The following SH3TC2 variants were observed in gnomAD, a reference collection of about 807,000 sequenced individuals.
SH3TC2 encodes the protein SH3 domain and tetratricopeptide repeat-containing protein 2.
SH3TC2 carries 87 observed loss-of-function variants against 124.5 expected under a neutral mutation model. The observed-to-expected ratio is 0.70, with a 90% CI of 0.59 to 0.84. The LOEUF (loss-of-function observed/expected upper bound fraction) is 0.84, where lower values mean the gene tolerates loss of function less well. Ranked by LOEUF, SH3TC2 falls within the 40% of genes least tolerant of loss-of-function variation. The pLI, the probability that SH3TC2 is intolerant of heterozygous loss-of-function variation, is 0.00. For synonymous variants in SH3TC2, 634 were observed against 628.5 expected, an observed-to-expected ratio of 1.01 and a Z score of -0.13; for missense variants, 1,536 against 1,566.4, an observed-to-expected ratio of 0.98 and a Z score of 0.33.
intron 2 of SH3TC2, among the ~76,000 whole-genome samples, chr5:149,048,908 G>A (rs146860051): frequency 1.3e-5 from 2 of 152,318 alleles, no homozygotes; most frequent in African/African-American, 4.8e-5. Context: ...ACAGTAAGTA[G>A]CAATCCTGTT....
rs190400452 is a variant in SH3TC2, at chr5:149,021,788, C to A, written c.3053+4784G>T. On this transcript the variant is annotated intron_variant, in intron 12 of 16. Transcript: ENST00000515425. ...AATTTTCAAAAACAAAACAAAAAAA[C>A]TCCTTACAAAGGTAAGTCAAGATTT... 2.9e-3 allele frequency among the ~76,000 whole-genome samples: 435 copies of A among 149,500 alleles called. 2 individuals are homozygous for A. The highest frequency in any genetic ancestry group is 0.01 in the African/African-American group (416 of 41,052).
chr5:149,049,917 G>C (rs1754528284), intron 2 of SH3TC2, among the ~76,000 whole-genome samples: 1 of 152,118 alleles, frequency 6.6e-6, no homozygotes, highest in Non-Finnish European at 1.5e-5. Flanking sequence ...CTACCAGCAA[G>C]TACTGCTCAT....
At chr5:149,056,706 A>G (rs1360594956) in intron 1 of SH3TC2, among the ~76,000 whole-genome samples, 1 of 152,200 alleles carries the variant, frequency 6.6e-6, no homozygotes, top group Non-Finnish European at 1.5e-5. Context: ...GAGAAACAAT[A>G]AGGAAGCTGG....
chr5:148,990,928 C>T lies in SH3TC2; in HGVS notation c.*13783G>A, dbSNP rs1753410981. Among the ~76,000 whole-genome samples the T allele has an allele frequency of 6.6e-6, 1 of 152,134 alleles. No individual in the cohort carries two copies. Among genetic ancestry groups the T allele is most frequent in the Admixed American group, 6.6e-5 (1 of 15,266 alleles). On this transcript the variant is annotated 3_prime_UTR_variant, in exon 17 of 17. Transcript: ENST00000515425. ...CATTTGACAGGTGAGAAAACTGAGACCCAGAGAGGTTAAGTCATGTCTCCA... is the reference window on the plus strand; with the variant it reads ...CATTTGACAGGTGAGAAAACTGAGATCCAGAGAGGTTAAGTCATGTCTCCA...
At chr5:149,032,366 T>C (rs1754212101) in intron 8 of SH3TC2, among the ~76,000 whole-genome samples, 1 of 152,232 alleles carries the variant, frequency 6.6e-6, no homozygotes, top group Non-Finnish European at 1.5e-5. Context: ...CTGTTAAGCC[T>C]AATTTGCTTA....
chr5:149,028,766 C>T (rs1201276844), intron 9 of SH3TC2, 48 bp from the exon 10 acceptor site: 14 of 1,594,712 alleles, frequency 8.8e-6, no homozygotes, highest in South Asian at 3.3e-5. Context: ...GGATGGGCCA[C>T]CATGCCCATG....
Position 148,990,850 on chromosome 5 carries a change from A to ATTATCTCT in SH3TC2, c.*13853_*13860dup, listed in dbSNP as rs1389629952. On this transcript the variant is annotated 3_prime_UTR_variant, in exon 17 of 17. Coordinates refer to ENST00000515425, the MANE Select transcript of SH3TC2 (RefSeq NM_024577.4). ...GCCCTGAGTTAAGTATTCTAAGTAC[A>ATTATCTCT]TTATCTCTTTTAATTTTCACAGCAA... Among the ~76,000 whole-genome samples the ATTATCTCT allele has an allele frequency of 6.6e-6, 1 of 152,194 alleles. No individual in the cohort carries two copies. The highest frequency in any genetic ancestry group is 2.4e-5 in the African/African-American group (1 of 41,432).
Position 148,987,492 on chromosome 5 carries a change from A to G in SH3TC2, c.*17219T>C, listed in dbSNP as rs1360051590. On this transcript the variant is annotated 3_prime_UTR_variant, in exon 17 of 17. Coordinates refer to ENST00000515425, the MANE Select transcript of SH3TC2 (RefSeq NM_024577.4). ...AGATCAGGCTGAGCTTCCAGCTAAC[A>G]TTTCTATCCCACAGCAGACCTGCAT... 6.6e-6 allele frequency among the ~76,000 whole-genome samples: 1 copy of G among 152,244 alleles called. No homozygotes were observed. The highest frequency in any genetic ancestry group is 1.5e-5 in the Non-Finnish European group (1 of 68,044).
chr5:149,004,370 T>G lies in SH3TC2; in HGVS notation c.*341A>C, dbSNP rs868833114. 6 of 285,376 alleles carry G rather than the reference T, an allele frequency of 2.1e-5. No homozygotes were observed. Among genetic ancestry groups the G allele is most frequent in the African/African-American group, 2.2e-5 (1 of 46,388 alleles). 17.7% of individuals were successfully genotyped at this position (285,376 alleles called of 1,614,324 possible). On this transcript the variant is annotated 3_prime_UTR_variant, in exon 17 of 17. Transcript: ENST00000515425. ...ACCAGTGCAGTGACTGATTTCCTCATTGGGGGAGGAAGGAAGGCTCCTGGA... is the reference window on the plus strand; with the variant it reads ...ACCAGTGCAGTGACTGATTTCCTCAGTGGGGGAGGAAGGAAGGCTCCTGGA...
In SH3TC2 at chr5:148,997,968, A is replaced by G. The variant is rs1003706200; in HGVS notation, c.*6743T>C. Among the ~76,000 whole-genome samples, 32 of 152,370 alleles carry G rather than the reference A, an allele frequency of 2.1e-4. No homozygotes were observed. The highest frequency in any genetic ancestry group is 7.7e-4 in the African/African-American group (32 of 41,586). The stretch of plus-strand genomic sequence containing the variant: ...GGTCTCAAAAAGAAGTAAGATATCC[A>G]TCAAATAATACATAGAAAAGAACAA... On this transcript the variant is annotated 3_prime_UTR_variant, in exon 17 of 17. Coordinates refer to ENST00000515425, the MANE Select transcript of SH3TC2 (RefSeq NM_024577.4).
At chr5:149,029,766 T>G (rs1754151473) in intron 9 of SH3TC2, among the ~76,000 whole-genome samples, 1 of 152,096 alleles carries the variant, frequency 6.6e-6, no homozygotes, top group African/African-American at 2.4e-5. Context: ...CACCTTGGGT[T>G]TGGCAGTGAA....
chr5:149,033,082 T>C (rs1199292654), intron 8 of SH3TC2, among the ~76,000 whole-genome samples: 1 of 152,206 alleles, frequency 6.6e-6, no homozygotes, highest in Non-Finnish European at 1.5e-5. Flanking sequence ...TCCATGTTTG[T>C]AGATTAAGAA....
At chr5:149,052,108 G>C in intron 2 of SH3TC2, 34 bp downstream of exon 2, 1 of 1,420,250 alleles carries the variant, frequency 7.0e-7, no homozygotes, top group Non-Finnish European at 1.0e-6. Flanking sequence ...TACTCAACAT[G>C]GAAGAATAGG....
intron 6 of SH3TC2, among the ~76,000 whole-genome samples, chr5:149,041,171 G>A (rs1435954864): frequency 5.9e-5 from 9 of 152,172 alleles, no homozygotes; most frequent in Admixed American, 4.6e-4. Flanking sequence ...ATTGGCGGTC[G>A]TGTGGTATAT....
chr5:149,022,774 A>C (rs1332193251), intron 12 of SH3TC2, among the ~76,000 whole-genome samples: 1 of 152,232 alleles, frequency 6.6e-6, no homozygotes, highest in Non-Finnish European at 1.5e-5. Context: ...TGCTAAGTGA[A>C]AGAAGCCAGA....
In SH3TC2 at chr5:149,026,564, T is replaced by G; in HGVS notation, c.3053+8A>C. ...CTGCTTCTAGGACAGTTCCTGACCCTGACTCACCTGGCGGTATTTAGGTTC... is the reference window on the plus strand; with the variant it reads ...CTGCTTCTAGGACAGTTCCTGACCCGGACTCACCTGGCGGTATTTAGGTTC... On this transcript the variant is annotated splice_region_variant and intron_variant, in intron 12 of 16. Transcript: ENST00000515425. 1 of 1,613,668 alleles carries G rather than the reference T, an allele frequency of 6.2e-7. No homozygotes were observed. Among genetic ancestry groups the G allele is most frequent in the Non-Finnish European group, 8.5e-7 (1 of 1,180,006 alleles).
At position 148,982,309 on chromosome 5, in the gene SH3TC2, G is replaced by A. The variant is rs995023891; in HGVS notation, c.*22402C>T. ...GCATTGTAGGAGAATACATTGACAAGAGCATCATGAAGGGCCATTCAGCGT... is the reference window on the plus strand; with the variant it reads ...GCATTGTAGGAGAATACATTGACAAAAGCATCATGAAGGGCCATTCAGCGT... On this transcript the variant is annotated 3_prime_UTR_variant, in exon 17 of 17. Transcript: ENST00000515425. Among the ~76,000 whole-genome samples, 2 of 152,198 alleles carry A rather than the reference G, an allele frequency of 1.3e-5. No individual in the cohort carries two copies. The highest frequency in any genetic ancestry group is 4.8e-5 in the African/African-American group (2 of 41,448).
chr5:149,045,948 T>A (rs1419026464), intron 3 of SH3TC2: 1 of 422,712 alleles, frequency 2.4e-6, no homozygotes, highest in Non-Finnish European at 4.7e-6. Flanking sequence ...CCCGGCCTGG[T>A]TTTTTTATAA....
chr5:149,031,502 C>A, intron 9 of SH3TC2, 52 bp downstream of exon 9: 5 of 1,612,876 alleles, frequency 3.1e-6, no homozygotes, highest in Middle Eastern at 1.7e-4. Context: ...GGGACACTAT[C>A]TTATTCTTGA....
Sources: allele counts gnomAD v4.1 joint callset (sites outside exome capture counted in the v4.1 genomes callset), GRCh38; gene constraint gnomAD v4.1.1; transcripts MANE v1.5; gene names NCBI Gene and HGNC (gene_info 2026-07-23, HGNC 2026-07-21).